The following SCHIP1 variants were observed in gnomAD, a reference collection of about 807,000 sequenced individuals.
SCHIP1 encodes the protein schwannomin-interacting protein 1.
A neutral mutation model predicts 29.7 loss-of-function variants in SCHIP1; 8 were observed. The ratio of observed to expected loss-of-function variants is 0.27; its 90% confidence interval spans 0.16 to 0.49. The LOEUF is 0.49. Ranked by LOEUF, SCHIP1 falls within the 20% of genes least tolerant of loss-of-function variation. SCHIP1 has a pLI of 0.99. For synonymous variants in SCHIP1, 76 were observed against 94.9 expected, an observed-to-expected ratio of 0.80 and a Z score of 1.16; for missense variants, 193 against 294.6, an observed-to-expected ratio of 0.66 and a Z score of 2.52.
the SCHIP1 span, among the ~76,000 whole-genome samples, chr3:159,826,338 T>G: frequency 1.3e-5 from 2 of 152,162 alleles, no homozygotes; most frequent in Non-Finnish European, 2.9e-5. Flanking sequence ...GCTTCAGTTG[T>G]AGTGACAGTT....
intron 2 of SCHIP1, among the ~76,000 whole-genome samples, chr3:159,876,159 G>A (rs1262488772): frequency 6.6e-6 from 1 of 152,296 alleles, no homozygotes; most frequent in East Asian, 1.9e-4. Context: ...CAGTCTCCCT[G>A]CTTCTGTCAC....
the SCHIP1 span, among the ~76,000 whole-genome samples, chr3:159,639,360 A>G: frequency 2.0e-5 from 3 of 152,118 alleles, no homozygotes; most frequent in Admixed American, 2.0e-4. Flanking sequence ...GGTAACAAAC[A>G]CTCCAGGAAG....
chr3:159,294,043 A>G, the SCHIP1 span, among the ~76,000 whole-genome samples: 1 of 152,120 alleles, frequency 6.6e-6, no homozygotes, highest in Admixed American at 6.5e-5. Context: ...CTATGTAACT[A>G]TCCATCTTGA....
chr3:159,354,881 A>T, the SCHIP1 span, among the ~76,000 whole-genome samples: 1 of 152,334 alleles, frequency 6.6e-6, no homozygotes, highest in East Asian at 1.9e-4. Flanking sequence ...GCAGTATTAA[A>T]AGAAAAGAAC....
the SCHIP1 span, among the ~76,000 whole-genome samples, chr3:159,501,136 G>A: frequency 6.6e-6 from 1 of 152,174 alleles, no homozygotes; most frequent in Admixed American, 6.5e-5. Context: ...ACTTGAGCTG[G>A]GAAAGAAGCT....
chr3:159,885,934 C>T (rs1690960323), intron 2 of SCHIP1, among the ~76,000 whole-genome samples: 2 of 152,222 alleles, frequency 1.3e-5, no homozygotes, highest in Non-Finnish European at 2.9e-5. Context: ...TTATTGTGCA[C>T]CAACTATCTG....
At chr3:159,839,189 G>A (rs1743964039), upstream of SCHIP1, among the ~76,000 whole-genome samples, 3 of 151,944 alleles carry the variant, frequency 2.0e-5, no homozygotes, top group South Asian at 2.1e-4. Context: ...CTGTCTCAGG[G>A]AGGATGGGTC....
chr3:159,629,091 C>T, the SCHIP1 span, among the ~76,000 whole-genome samples: 1,185 of 151,960 alleles, frequency 7.8e-3, 20 homozygotes, highest in African/African-American at 0.027. Flanking sequence ...AATGATAATG[C>T]ATAATATATT....
the SCHIP1 span, among the ~76,000 whole-genome samples, chr3:159,682,327 G>C: frequency 6.6e-6 from 1 of 152,086 alleles, no homozygotes; most frequent in Non-Finnish European, 1.5e-5. Context: ...AGTAATTACT[G>C]CCAGAAAAGC....
At chr3:159,751,333 T>G in the SCHIP1 span, among the ~76,000 whole-genome samples, 2 of 152,220 alleles carry the variant, frequency 1.3e-5, no homozygotes, top group Non-Finnish European at 2.9e-5. Flanking sequence ...CAAAAATATT[T>G]ACCATCTAAT....
chr3:159,734,497 T>A, the SCHIP1 span, among the ~76,000 whole-genome samples: 2 of 152,090 alleles, frequency 1.3e-5, no homozygotes, highest in Non-Finnish European at 2.9e-5. Flanking sequence ...AAAAGATGTG[T>A]CTTCCCAAAC....
At chr3:159,464,562 CA>C in the SCHIP1 span, among the ~76,000 whole-genome samples, 1,286 of 152,212 alleles carry the variant, frequency 8.4e-3, 24 homozygotes, top group Admixed American at 0.047. Flanking sequence ...ATATTAAAAG[CA>C]TTTATAAAAG....
the SCHIP1 span, among the ~76,000 whole-genome samples, chr3:159,530,814 C>G: frequency 6.6e-6 from 1 of 152,208 alleles, no homozygotes; most frequent in African/African-American, 2.4e-5. Flanking sequence ...CCTGTAGGCA[C>G]TGCCCTGCTC....
At chr3:159,276,545 T>A in the SCHIP1 span, among the ~76,000 whole-genome samples, 41 of 152,308 alleles carry the variant, frequency 2.7e-4, no homozygotes, top group African/African-American at 9.6e-4. Flanking sequence ...GTTATTCCTT[T>A]CTCTGTCCCA....
chr3:159,307,404 C>T, the SCHIP1 span, among the ~76,000 whole-genome samples: 1 of 152,090 alleles, frequency 6.6e-6, no homozygotes, highest in Admixed American at 6.6e-5. Context: ...ATGGACAGTG[C>T]CTGGGACAGC....
At chr3:159,683,273 A>C in the SCHIP1 span, among the ~76,000 whole-genome samples, 2 of 152,056 alleles carry the variant, frequency 1.3e-5, no homozygotes, top group East Asian at 3.9e-4. Flanking sequence ...GCTAGCCTCG[A>C]ACTCCTGATC....
chr3:159,305,913 TC>T, the SCHIP1 span, among the ~76,000 whole-genome samples: 1 of 152,190 alleles, frequency 6.6e-6, no homozygotes, highest in Non-Finnish European at 1.5e-5. Context: ...GTCTTTCCCT[TC>T]ACAATCATAT....
At chr3:159,868,633 C>G (rs571439246) in intron 2 of SCHIP1, among the ~76,000 whole-genome samples, 1 of 152,080 alleles carries the variant, frequency 6.6e-6, no homozygotes. Context: ...TGCCTCCTTT[C>G]TCCCCATGTT....
At chr3:159,363,398 C>G in the SCHIP1 span, among the ~76,000 whole-genome samples, 1 of 152,130 alleles carries the variant, frequency 6.6e-6, no homozygotes, top group South Asian at 2.1e-4. Context: ...TAAATGAGTA[C>G]AGCAGCTGCT....
Sources: allele counts gnomAD v4.1 joint callset (sites outside exome capture counted in the v4.1 genomes callset), GRCh38; gene constraint gnomAD v4.1.1; transcripts MANE v1.5; gene names NCBI Gene and HGNC (gene_info 2026-07-23, HGNC 2026-07-21).